The following SLC35D4 variants were observed in gnomAD, a reference collection of about 807,000 sequenced individuals.
The protein encoded by SLC35D4 is solute carrier family 35 member D4, also known as UDP-N-acetylglucosamine transporter SLC35D4.
chr18:23,354,822 C>T, the SLC35D4 span, among the ~76,000 whole-genome samples: 2 of 152,180 alleles, frequency 1.3e-5, no homozygotes, highest in African/African-American at 2.4e-5. Flanking sequence ...CATCTGGGGC[C>T]CTTTTGCATC....
At chr18:23,345,481 C>CAAAAA in the SLC35D4 span, among the ~76,000 whole-genome samples, 26 of 57,228 alleles carry the variant, frequency 4.5e-4, 1 homozygote, top group Non-Finnish European at 6.5e-4. Context: ...GACTCCATCT[C>CAAAAA]AAAAAAAAAA....
the SLC35D4 span, among the ~76,000 whole-genome samples, chr18:23,332,941 C>A: frequency 6.6e-6 from 1 of 152,062 alleles, no homozygotes; most frequent in African/African-American, 2.4e-5. Flanking sequence ...TTTCTGTCTC[C>A]GAAATGCTGG....
chr18:23,287,739 C>T, the SLC35D4 span, among the ~76,000 whole-genome samples: 1 of 152,090 alleles, frequency 6.6e-6, no homozygotes, highest in Admixed American at 6.5e-5. Flanking sequence ...TTAGAGACTG[C>T]CCCCACCCTA....
chr18:23,409,152 GA>G, the SLC35D4 span, among the ~76,000 whole-genome samples: 7 of 151,682 alleles, frequency 4.6e-5, no homozygotes, highest in Admixed American at 1.3e-4. Context: ...GAAAAAAAAA[GA>G]AAAAAAGTAG....
the SLC35D4 span, among the ~76,000 whole-genome samples, chr18:23,344,369 C>A: frequency 1.3e-5 from 2 of 152,272 alleles, no homozygotes; most frequent in South Asian, 4.1e-4. Flanking sequence ...TGGCTATATG[C>A]CCAATAATGG....
At chr18:23,302,345 G>A in the SLC35D4 span, among the ~76,000 whole-genome samples, 1 of 152,216 alleles carries the variant, frequency 6.6e-6, no homozygotes, top group South Asian at 2.1e-4. Flanking sequence ...CTTTAGACCA[G>A]TGATTCTCAA....
chr18:23,341,849 CA>C, the SLC35D4 span, among the ~76,000 whole-genome samples: 1 of 151,960 alleles, frequency 6.6e-6, no homozygotes, highest in African/African-American at 2.4e-5. Flanking sequence ...CCACAGCAGC[CA>C]ATTAAAAATC....
At chr18:23,351,356 G>C in the SLC35D4 span, among the ~76,000 whole-genome samples, 1 of 152,040 alleles carries the variant, frequency 6.6e-6, no homozygotes, top group Non-Finnish European at 1.5e-5. Flanking sequence ...GCAATGAGTT[G>C]AGATCATGCC....
the SLC35D4 span, among the ~76,000 whole-genome samples, chr18:23,391,236 GAAAGAAAAGAAAGA>G: frequency 2.0e-5 from 3 of 150,378 alleles, no homozygotes; most frequent in African/African-American, 4.9e-5. Flanking sequence ...AAAAAAAAAA[GAAAGAAAAGAAAGA>G]AAAGAAAAGA....
chr18:23,305,517 A>G, the SLC35D4 span, among the ~76,000 whole-genome samples: 1 of 152,252 alleles, frequency 6.6e-6, no homozygotes, highest in Admixed American at 6.5e-5. Flanking sequence ...TCTTTAAAAT[A>G]TGGATGACTT....
the SLC35D4 span, among the ~76,000 whole-genome samples, chr18:23,315,089 G>C: frequency 6.6e-6 from 1 of 152,126 alleles, no homozygotes; most frequent in Non-Finnish European, 1.5e-5. Flanking sequence ...CAGAGACTTA[G>C]GTTTATTGTT....
At chr18:23,302,738 A>G in the SLC35D4 span, among the ~76,000 whole-genome samples, 1 of 152,204 alleles carries the variant, frequency 6.6e-6, no homozygotes, top group Non-Finnish European at 1.5e-5. Context: ...ATGCAAGGCT[A>G]CTGGCTGGAG....
the SLC35D4 span, among the ~76,000 whole-genome samples, chr18:23,289,367 C>T: frequency 7.9e-5 from 12 of 152,334 alleles, no homozygotes; most frequent in African/African-American, 2.6e-4. Flanking sequence ...TTCTCTTATT[C>T]CGTTTAGTTT....
the SLC35D4 span, chr18:23,297,669 G>C: frequency 1.4e-5 from 4 of 291,824 alleles, no homozygotes; most frequent in South Asian, 1.5e-4. Flanking sequence ...GAGGCGAGCA[G>C]AGCCAGCCCA....
chr18:23,391,266 A>T, the SLC35D4 span, among the ~76,000 whole-genome samples: 1 of 151,862 alleles, frequency 6.6e-6, no homozygotes, highest in Admixed American at 6.6e-5. Flanking sequence ...AAAGAAAAGA[A>T]AAGATCCTAG....
At chr18:23,407,812 A>G in the SLC35D4 span, among the ~76,000 whole-genome samples, 61 of 152,344 alleles carry the variant, frequency 4.0e-4, 1 homozygote, top group East Asian at 7.9e-3. Flanking sequence ...ATATGTATGT[A>G]CTACTTGGCT....
chr18:23,430,800 AGG>A, the SLC35D4 span: 1 of 911,052 alleles, frequency 1.1e-6, no homozygotes, highest in Non-Finnish European at 1.7e-6. Context: ...AGTTTTAAAA[AGG>A]CCATTATTCC....
the SLC35D4 span, among the ~76,000 whole-genome samples, chr18:23,251,208 T>C: frequency 5.9e-5 from 9 of 152,172 alleles, no homozygotes; most frequent in Non-Finnish European, 1.0e-4. Flanking sequence ...ATGCCAGCAC[T>C]TTGGGAGGCA....
the SLC35D4 span, among the ~76,000 whole-genome samples, chr18:23,243,355 G>A: frequency 3.9e-5 from 6 of 152,048 alleles, no homozygotes; most frequent in Non-Finnish European, 5.9e-5. Context: ...CACAGGCCTG[G>A]GCAGTAGCTG....
Sources: allele counts gnomAD v4.1 joint callset (sites outside exome capture counted in the v4.1 genomes callset), GRCh38; gene constraint gnomAD v4.1.1; transcripts MANE v1.5; gene names NCBI Gene and HGNC (gene_info 2026-07-23, HGNC 2026-07-21).